The following ATP13A5 variants were observed in gnomAD, a reference collection of about 807,000 sequenced individuals.
The protein encoded by ATP13A5 is probable cation-transporting ATPase 13A5.
ATP13A5 carries 149 observed loss-of-function variants against 150.2 expected under a neutral mutation model. The ratio of observed to expected loss-of-function variants is 0.99; its 90% CI spans 0.87 to 1.14. The LOEUF (loss-of-function observed/expected upper bound fraction) is 1.14. ATP13A5 is among the 50% of genes most tolerant of loss of function. The probability of loss-of-function intolerance (pLI) is 0.00; values close to 1 mark genes in which losing one functional copy is unlikely to be tolerated. For synonymous variants in ATP13A5, 497 were observed against 522.2 expected (o/e 0.95, Z 0.66); for missense variants, 1,383 against 1,449.3 (o/e 0.95, Z 0.74).
At chr3:193,362,486 C>T in intron 4 of ATP13A5, 25 bp from the exon 5 acceptor site, 1 of 1,613,412 alleles carries the variant, frequency 6.2e-7, no homozygotes, top group Non-Finnish European at 8.5e-7. Flanking sequence ...GGATAGGAAC[C>T]ACACTTCAGT....
intron 10 of ATP13A5, 73 bp downstream of exon 10, chr3:193,334,856 A>T (rs750758637): frequency 2.3e-5 from 33 of 1,454,652 alleles, no homozygotes; most frequent in Non-Finnish European, 3.1e-5. Flanking sequence ...CATAATCCTA[A>T]ACTAAATTTC....
In ATP13A5 at chr3:193,314,965, T is replaced by C. The variant is rs1718992158; in HGVS notation, c.2158+7A>G. 5 of 1,612,672 alleles carry C rather than the reference T, an allele frequency of 3.1e-6. No individual in the cohort carries two copies. Among genetic ancestry groups the C allele is most frequent in the Non-Finnish European group, 4.2e-6 (5 of 1,179,180 alleles). ...AACTTGCCAGGCCCCTAGAAACAAA[T>C]ACATACCTGTAATCATCACAGTCCT... On this transcript the variant is annotated splice_region_variant and intron_variant, in intron 18 of 29. Coordinates refer to ENST00000342358, the MANE Select transcript of ATP13A5 (RefSeq NM_198505.4).
At position 193,281,211 on chromosome 3, in the gene ATP13A5, G is replaced by A. The variant is rs541066094; in HGVS notation, c.3227-1757C>T. 16 of 985,282 alleles carry A rather than the reference G, an allele frequency of 1.6e-5. No homozygotes were observed. In the South Asian group the frequency reaches 4.7e-4, roughly 29 times the overall value. The allele number at this position is 985,282 out of a possible 1,614,324, so 61.0% of individuals were successfully genotyped here. ...TTCATGGATTTGGAGTCCCAGGAAC[G>A]CAGAAGCTGGGAAGAAGAGGACGCC... is the stretch of plus-strand genomic sequence containing the variant. On this transcript the variant is annotated intron_variant, in intron 27 of 29. Coordinates refer to ENST00000342358, the MANE Select transcript of ATP13A5 (RefSeq NM_198505.4).
At chr3:193,372,312 A>AAGC (rs57458521) in intron 1 of ATP13A5, 1 of 73,166 alleles carries the variant, frequency 1.4e-5, no homozygotes, top group Non-Finnish European at 2.4e-5. Flanking sequence ...AAAAAAAAAA[A>AAGC]GGGGGAAGTT....
intron 16 of ATP13A5, among the ~76,000 whole-genome samples, chr3:193,321,326 G>C (rs999321180): frequency 1.1e-4 from 16 of 152,116 alleles, no homozygotes; most frequent in African/African-American, 3.9e-4. Context: ...TTCTGTGTTT[G>C]TTGGCTTTAT....
At chr3:193,354,321 T>C (rs1449175082) in intron 5 of ATP13A5, 125 bp from the exon 6 acceptor site, 4 of 809,164 alleles carry the variant, frequency 4.9e-6, no homozygotes, top group East Asian at 2.6e-5. Context: ...TAAAAAATAA[T>C]GTGCAAGTTC....
chr3:193,292,165 C>T (rs929995202), intron 25 of ATP13A5, among the ~76,000 whole-genome samples: 1 of 152,044 alleles, frequency 6.6e-6, no homozygotes, highest in Non-Finnish European at 1.5e-5. Flanking sequence ...AAGGGGTACA[C>T]AGTGTGGACT....
At chr3:193,337,583 G>A (rs1041799383) in intron 9 of ATP13A5, among the ~76,000 whole-genome samples, 29 of 152,054 alleles carry the variant, frequency 1.9e-4, no homozygotes, top group Non-Finnish European at 1.8e-4. Context: ...CTTTTCCATT[G>A]GTCTATGTCT....
intron 6 of ATP13A5, among the ~76,000 whole-genome samples, chr3:193,351,432 T>C (rs997952958): frequency 3.3e-5 from 5 of 152,180 alleles, no homozygotes; most frequent in Admixed American, 2.0e-4. Flanking sequence ...TGCCCACAAG[T>C]TGATCATTCT....
intron 25 of ATP13A5, among the ~76,000 whole-genome samples, chr3:193,296,468 C>A (rs1350842849): frequency 6.6e-6 from 1 of 152,056 alleles, no homozygotes; most frequent in Non-Finnish European, 1.5e-5. Context: ...TTGTTTTTGT[C>A]AGGTTTGTCA....
At chr3:193,332,493 T>C (rs1002907687) in intron 11 of ATP13A5, among the ~76,000 whole-genome samples, 1 of 152,214 alleles carries the variant, frequency 6.6e-6, no homozygotes, top group African/African-American at 2.4e-5. Context: ...TAGATATTAA[T>C]GATTCTACCC....
chr3:193,345,840 T>C (rs1352438462), intron 7 of ATP13A5, among the ~76,000 whole-genome samples: 1 of 152,112 alleles, frequency 6.6e-6, no homozygotes, highest in Non-Finnish European at 1.5e-5. Context: ...AGAATGAGAC[T>C]GTGAGCAGGT....
intron 7 of ATP13A5, among the ~76,000 whole-genome samples, chr3:193,345,402 AG>A (rs978538582): frequency 5.3e-4 from 81 of 152,040 alleles, no homozygotes; most frequent in African/African-American, 1.8e-3. Context: ...ATTGAGGAAG[AG>A]AAAAAAAGTG....
At chr3:193,364,940 G>A (rs189065547) in intron 1 of ATP13A5, among the ~76,000 whole-genome samples, 83 of 152,264 alleles carry the variant, frequency 5.5e-4, no homozygotes, top group South Asian at 2.3e-3. Context: ...GTCAATATTT[G>A]TCATAAACTG....
intron 1 of ATP13A5, among the ~76,000 whole-genome samples, chr3:193,373,829 A>C (rs549613295): frequency 1.8e-4 from 27 of 152,214 alleles, no homozygotes; most frequent in Non-Finnish European, 3.4e-4. Flanking sequence ...GGGCTCTGCC[A>C]CTGTTCAGCA....
In ATP13A5 at chr3:193,305,533, G is replaced by A. The variant is rs754776696; in HGVS notation, c.2678+26C>T. 6 of 1,566,780 alleles carry A rather than the reference G, an allele frequency of 3.8e-6. No homozygotes were observed. In the Admixed American group the frequency reaches 8.3e-5, roughly 22 times the overall value. On this transcript the variant is annotated intron_variant, in intron 23 of 29. Transcript: ENST00000342358. Reference sequence around the variant, plus strand: ...CAGACAATGGGCCCATTGATTGTAGGGCTGGAAGAGGAAAAAATGACTTAC... The same window carrying A: ...CAGACAATGGGCCCATTGATTGTAGAGCTGGAAGAGGAAAAAATGACTTAC...
At chr3:193,316,952 C>T (rs1235328764) in intron 17 of ATP13A5, among the ~76,000 whole-genome samples, 1 of 152,170 alleles carries the variant, frequency 6.6e-6, no homozygotes, top group Non-Finnish European at 1.5e-5. Flanking sequence ...GAGAAATCTT[C>T]TTGATATTGG....
intron 6 of ATP13A5, 28 bp from the exon 7 acceptor site, chr3:193,351,229 C>T: frequency 6.2e-7 from 1 of 1,612,980 alleles, no homozygotes; most frequent in South Asian, 1.1e-5. Context: ...GCATTTGGGT[C>T]ACTTGCATGA....
intron 23 of ATP13A5, among the ~76,000 whole-genome samples, chr3:193,302,790 C>T (rs1399935317): frequency 1.3e-5 from 2 of 152,066 alleles, no homozygotes; most frequent in Non-Finnish European, 1.5e-5. Context: ...TATCTCATTG[C>T]CTCTCTGGAG....
Sources: allele counts gnomAD v4.1 joint callset (sites outside exome capture counted in the v4.1 genomes callset), GRCh38; gene constraint gnomAD v4.1.1; transcripts MANE v1.5; gene names NCBI Gene and HGNC (gene_info 2026-07-23, HGNC 2026-07-21).